The following DNAH7 variants were observed in gnomAD, a reference collection of about 807,000 sequenced individuals.
The protein encoded by DNAH7 is axonemal beta dynein heavy chain 7.
In DNAH7, 397 loss-of-function variants were observed where a neutral mutation model predicts 444.6. The observed-to-expected ratio is 0.89, with a 90% CI of 0.82 to 0.97. DNAH7 has a LOEUF of 0.97. DNAH7 is among the 50% of genes least tolerant of loss of function. The probability of loss-of-function intolerance (pLI) is 0.00; values close to 1 mark genes in which losing one functional copy is unlikely to be tolerated. For synonymous variants in DNAH7, 1,636 were observed against 1,624.4 expected (o/e 1.01, Z -0.17); for missense variants, 4,902 against 4,800.8 (o/e 1.02, Z -0.62).
At chr2:195,822,780 C>G (rs1697533762) in intron 49 of DNAH7, among the ~76,000 whole-genome samples, 2 of 152,148 alleles carry the variant, frequency 1.3e-5, no homozygotes, top group African/African-American at 2.4e-5. Flanking sequence ...TTTTACTGAA[C>G]AGTAAAAAAG....
chr2:195,859,048 G>A (rs540994865), intron 42 of DNAH7, among the ~76,000 whole-genome samples: 6 of 152,244 alleles, frequency 3.9e-5, no homozygotes, highest in South Asian at 4.1e-4. Context: ...TGTTATCAAC[G>A]CATACAACAG....
chr2:195,976,778 A>AGAGAGAGAGAGAGAGC, intron 15 of DNAH7, among the ~76,000 whole-genome samples: 1 of 151,352 alleles, frequency 6.6e-6, no homozygotes, highest in East Asian at 2.0e-4. Context: ...AGAGAGAGAG[A>AGAGAGAGAGAGAGAGC]GAGAGAGAGA....
chr2:195,990,701 T>C (rs934372222), intron 12 of DNAH7, among the ~76,000 whole-genome samples: 14 of 151,230 alleles, frequency 9.3e-5, no homozygotes, highest in Non-Finnish European at 1.9e-4. Flanking sequence ...ATTTCTAGGT[T>C]ATCTATGCCA....
At chr2:195,832,895 G>T (rs1698141507) in intron 48 of DNAH7, among the ~76,000 whole-genome samples, 1 of 152,072 alleles carries the variant, frequency 6.6e-6, no homozygotes, top group South Asian at 2.1e-4. Context: ...AACATAAATT[G>T]ATCAATAGAC....
intron 2 of DNAH7, among the ~76,000 whole-genome samples, chr2:196,052,212 C>A (rs1697517499): frequency 6.6e-6 from 1 of 152,202 alleles, no homozygotes; most frequent in African/African-American, 2.4e-5. Context: ...CCCATGAGGT[C>A]TGAATCTAAG....
intron 61 of DNAH7, among the ~76,000 whole-genome samples, chr2:195,757,310 T>G (rs952527015): frequency 1.1e-4 from 17 of 152,202 alleles, no homozygotes; most frequent in African/African-American, 3.9e-4. Flanking sequence ...ATAAAATGCT[T>G]TGAAAAGTTA....
At chr2:195,849,411 G>A (rs1699213225) in intron 46 of DNAH7, among the ~76,000 whole-genome samples, 1 of 152,092 alleles carries the variant, frequency 6.6e-6, no homozygotes. Context: ...TACAACACTT[G>A]GAGGTGAAGA....
Position 195,923,782 on chromosome 2 carries a change from C to G in DNAH7, c.3638G>C (p.Cys1213Ser). The change falls in exon 23 of 65, where the codon TGT becomes TCT. Residue 1213 changes from cysteine (C) to serine (S), a missense_variant. Transcript: ENST00000312428. ...IKALEQYLKT[C>S]NRQIDDIVTL... Reference sequence around the variant, plus strand: ...GACAATATCATCAATTTGTCTGTTACATGTTTTCAAGTATTGCTCAAGAGC... The same window carrying G: ...GACAATATCATCAATTTGTCTGTTAGATGTTTTCAAGTATTGCTCAAGAGC... 1 of 1,614,108 alleles carries G rather than the reference C, an allele frequency of 6.2e-7. No homozygotes were observed. The highest frequency in any genetic ancestry group is 8.5e-7 in the Non-Finnish European group (1 of 1,180,012).
At chr2:196,011,672 C>T (rs1694734597) in intron 10 of DNAH7, among the ~76,000 whole-genome samples, 1 of 152,146 alleles carries the variant, frequency 6.6e-6, no homozygotes, top group Non-Finnish European at 1.5e-5. Context: ...CTTTCTGGCT[C>T]ACTACTTAAA....
chr2:196,047,281 ATAT>A, intron 5 of DNAH7, 68 bp downstream of exon 5: 3 of 1,345,704 alleles, frequency 2.2e-6, no homozygotes, highest in Non-Finnish European at 3.0e-6. Flanking sequence ...CAGAATTCTA[ATAT>A]TCTTAGGTTA....
chr2:195,914,446 T>C (rs1334083362), intron 24 of DNAH7, among the ~76,000 whole-genome samples: 2 of 152,188 alleles, frequency 1.3e-5, no homozygotes, highest in African/African-American at 4.8e-5. Context: ...TTAGATCCTG[T>C]ATAGGTTCTT....
intron 61 of DNAH7, among the ~76,000 whole-genome samples, chr2:195,763,355 C>CA (rs1429884457): frequency 6.6e-6 from 1 of 151,402 alleles, no homozygotes; most frequent in East Asian, 1.9e-4. Context: ...AAACCAAACC[C>CA]AAAATTAATA....
chr2:195,900,498 T>C lies in DNAH7; in HGVS notation c.4336-4A>G. ...TTGCTACTGTCCGAAAGAGAGCCTA[T>C]GGGTAGGTAGAAAGTTACTTTTAAA... On this transcript the variant is annotated splice_region_variant and splice_polypyrimidine_tract_variant and intron_variant, in intron 27 of 64. Transcript: ENST00000312428. 1 of 1,613,106 alleles carries C rather than the reference T, an allele frequency of 6.2e-7. No homozygotes were observed.
chr2:195,762,118 T>C (rs1694376948), intron 61 of DNAH7, among the ~76,000 whole-genome samples: 1 of 152,152 alleles, frequency 6.6e-6, no homozygotes. Context: ...GTAGAGTTTT[T>C]ATTAGGTTTC....
At chr2:195,783,636 C>T (rs752032266) in intron 58 of DNAH7, among the ~76,000 whole-genome samples, 24 of 152,148 alleles carry the variant, frequency 1.6e-4, no homozygotes, top group Non-Finnish European at 2.4e-4. Flanking sequence ...TCACAATGAC[C>T]CCATCCCAAA....
At chr2:195,866,748 G>T (rs115709348) in intron 40 of DNAH7, among the ~76,000 whole-genome samples, 2,568 of 152,172 alleles carry the variant, frequency 0.017, 66 homozygotes, top group African/African-American at 0.058. Context: ...ATTTCTTTTT[G>T]TTTTTTCTTT....
chr2:195,873,176 T>C (rs1008503701), intron 39 of DNAH7, among the ~76,000 whole-genome samples: 4 of 152,188 alleles, frequency 2.6e-5, no homozygotes, highest in Non-Finnish European at 4.4e-5. Flanking sequence ...TCTCTGCATC[T>C]TGTGGAGTAG....
chr2:196,064,655 TTAC>T (rs1329464067), intron 1 of DNAH7, among the ~76,000 whole-genome samples: 3 of 152,206 alleles, frequency 2.0e-5, no homozygotes, highest in South Asian at 2.1e-4. Flanking sequence ...TAAGATATTG[TTAC>T]TACATGATTT....
chr2:195,995,385 A>G (rs1429120694), intron 12 of DNAH7: 1 of 511,750 alleles, frequency 2.0e-6, no homozygotes, highest in Non-Finnish European at 3.9e-6. Context: ...GAGCACACCA[A>G]GGGATGTATC....
Sources: gnomAD v4.1 joint callset for allele counts (sites outside exome capture counted in the v4.1 genomes callset) on GRCh38, gnomAD v4.1.1 for gene constraint, MANE v1.5 for transcripts, NCBI Gene and HGNC (gene_info 2026-07-23, HGNC 2026-07-21) for gene names.